The following SH3GL2 variants were observed in gnomAD, a reference collection of about 807,000 sequenced individuals.
SH3GL2 encodes the protein endophilin-A1.
SH3GL2 carries 24 observed loss-of-function variants against 46.0 expected under a neutral mutation model. The ratio of observed to expected loss-of-function variants is 0.52; its 90% CI spans 0.38 to 0.73. The LOEUF (loss-of-function observed/expected upper bound fraction) is 0.73. Among genes scored for constraint, SH3GL2 ranks in the 30% least tolerant of loss-of-function variants. SH3GL2 has a pLI of 0.00. For missense variants in SH3GL2, 413 were observed against 424.2 expected, an observed-to-expected ratio of 0.97 and a Z score of 0.23; for synonymous variants, 196 against 147.1, an observed-to-expected ratio of 1.33 and a Z score of -2.40.
intron 1 of SH3GL2, among the ~76,000 whole-genome samples, chr9:17,738,571 T>TACATAC (rs1192417418): frequency 3.0e-5 from 2 of 67,086 alleles, no homozygotes; most frequent in Non-Finnish European, 6.7e-5. Flanking sequence ...CATACATATA[T>TACATAC]ATATAGAGAG....
chr9:17,595,890 A>T (rs1818560515), intron 1 of SH3GL2, among the ~76,000 whole-genome samples: 1 of 152,122 alleles, frequency 6.6e-6, no homozygotes, highest in African/African-American at 2.4e-5. Context: ...CAGTAAGATT[A>T]TTTTTTTAAT....
intron 1 of SH3GL2, among the ~76,000 whole-genome samples, chr9:17,628,833 C>G (rs942424138): frequency 1.3e-5 from 2 of 151,816 alleles, no homozygotes; most frequent in Non-Finnish European, 2.9e-5. Context: ...AGGTTGCCAG[C>G]CAAAAATTGA....
intron 1 of SH3GL2, among the ~76,000 whole-genome samples, chr9:17,709,676 G>T (rs893753137): frequency 2.5e-5 from 2 of 78,690 alleles, no homozygotes; most frequent in Admixed American, 1.4e-4. Context: ...TAACTTATTT[G>T]TATTACACAC....
In SH3GL2 at chr9:17,649,740, T is replaced by C. The variant is rs114982262; in HGVS notation, c.45+70453T>C. Among the ~76,000 whole-genome samples, 828 of 152,340 alleles carry C rather than the reference T, an allele frequency of 5.4e-3. 7 individuals are homozygous for C. Among genetic ancestry groups the C allele is most frequent in the African/African-American group, 0.019 (798 of 41,582 alleles). The stretch of plus-strand genomic sequence containing the variant: ...GGAAAATAGTGAATATTTTTAGTTA[T>C]TTTGAATACAAATATGTAATATTCT... On this transcript the variant is annotated intron_variant, in intron 1 of 8. Coordinates refer to ENST00000380607, the MANE Select transcript of SH3GL2 (RefSeq NM_003026.5).
chr9:17,594,132 C>G (rs1176949312), intron 1 of SH3GL2, among the ~76,000 whole-genome samples: 1 of 152,130 alleles, frequency 6.6e-6, no homozygotes, highest in East Asian at 1.9e-4. Flanking sequence ...CTTATGGCTC[C>G]CAGGATAGGT....
chr9:17,716,857 T>C (rs760995303), intron 1 of SH3GL2, among the ~76,000 whole-genome samples: 29 of 152,144 alleles, frequency 1.9e-4, no homozygotes, highest in Non-Finnish European at 3.4e-4. Context: ...ACCTCATTTG[T>C]TTCCTCTCAG....
At chr9:17,723,298 C>G (rs1266029742) in intron 1 of SH3GL2, among the ~76,000 whole-genome samples, 2 of 152,048 alleles carry the variant, frequency 1.3e-5, no homozygotes, top group African/African-American at 4.8e-5. Flanking sequence ...ATTATATTTT[C>G]AGTTAAAAAA....
At chr9:17,763,173 T>C (rs1588312522) in intron 3 of SH3GL2, among the ~76,000 whole-genome samples, 1 of 152,276 alleles carries the variant, frequency 6.6e-6, no homozygotes, top group East Asian at 1.9e-4. Context: ...AGTATGAAAA[T>C]AGACTAAAAA....
At chr9:17,700,390 A>G (rs990207724) in intron 1 of SH3GL2, among the ~76,000 whole-genome samples, 48 of 152,182 alleles carry the variant, frequency 3.2e-4, no homozygotes, top group Non-Finnish European at 6.5e-4. Flanking sequence ...TCTTCAAGCT[A>G]AAACTTCCTA....
chr9:17,661,967 G>GT (rs1218214689), intron 1 of SH3GL2, among the ~76,000 whole-genome samples: 3 of 152,068 alleles, frequency 2.0e-5, no homozygotes, highest in Admixed American at 6.6e-5. Flanking sequence ...TAATTTCTCT[G>GT]TTTTTTGTCT....
At chr9:17,650,184 C>T (rs539031444) in intron 1 of SH3GL2, among the ~76,000 whole-genome samples, 3 of 152,142 alleles carry the variant, frequency 2.0e-5, no homozygotes, top group Admixed American at 6.5e-5. Context: ...ATTGCACATG[C>T]TGTGTTTGAT....
intron 1 of SH3GL2, among the ~76,000 whole-genome samples, chr9:17,714,255 G>A (rs1361676728): frequency 6.6e-6 from 1 of 151,498 alleles, no homozygotes; most frequent in Admixed American, 6.6e-5. Flanking sequence ...TGTGTTTAAA[G>A]TGTTTGTAGG....
chr9:17,613,538 T>C (rs1166579696), intron 1 of SH3GL2, among the ~76,000 whole-genome samples: 1 of 152,196 alleles, frequency 6.6e-6, no homozygotes, highest in Non-Finnish European at 1.5e-5. Context: ...TAGAGGAAGG[T>C]AACATTCTTC....
At chr9:17,589,532 C>G (rs1383955544) in intron 1 of SH3GL2, 1 of 152,118 alleles carries the variant, frequency 6.6e-6, no homozygotes, top group East Asian at 1.9e-4. Flanking sequence ...GACAACTTCT[C>G]TAACCTTGGA....
chr9:17,743,349 G>T (rs114958252), intron 1 of SH3GL2, among the ~76,000 whole-genome samples: 10 of 151,908 alleles, frequency 6.6e-5, no homozygotes, highest in Non-Finnish European at 1.2e-4. Flanking sequence ...ATCTAATTAC[G>T]TAAGAAATTT....
At chr9:17,795,064 C>A (rs562530203) in intron 8 of SH3GL2, among the ~76,000 whole-genome samples, 8 of 152,138 alleles carry the variant, frequency 5.3e-5, no homozygotes, top group Admixed American at 1.3e-4. Context: ...GAGTGATAAC[C>A]GAACTGTTAC....
chr9:17,690,597 G>A (rs537778992), intron 1 of SH3GL2, among the ~76,000 whole-genome samples: 1 of 152,240 alleles, frequency 6.6e-6, no homozygotes, highest in African/African-American at 2.4e-5. Flanking sequence ...CAAGACAGGT[G>A]TTAGGACCTG....
At chr9:17,661,921 G>C (rs976526371) in intron 1 of SH3GL2, among the ~76,000 whole-genome samples, 5 of 152,130 alleles carry the variant, frequency 3.3e-5, no homozygotes, top group Non-Finnish European at 7.4e-5. Flanking sequence ...TATGTTGGAT[G>C]GTTGCAATGG....
chr9:17,690,852 T>A (rs927065206), intron 1 of SH3GL2, among the ~76,000 whole-genome samples: 2 of 152,176 alleles, frequency 1.3e-5, no homozygotes, highest in African/African-American at 4.8e-5. Flanking sequence ...AGGGAATTTG[T>A]TCATGAAGCT....
Sources: allele counts gnomAD v4.1 joint callset (sites outside exome capture counted in the v4.1 genomes callset), GRCh38; gene constraint gnomAD v4.1.1; transcripts MANE v1.5; gene names NCBI Gene and HGNC (gene_info 2026-07-23, HGNC 2026-07-21).